TLK2: variants seen among roughly 807,000 people sequenced by gnomAD.
The protein encoded by TLK2 is tousled like kinase 2, also known as serine/threonine-protein kinase tousled-like 2.
In TLK2, 6 loss-of-function variants were observed where a neutral mutation model predicts 117.3. The ratio of observed to expected loss-of-function variants is 0.05; its 90% CI spans 0.03 to 0.10. The LOEUF (loss-of-function observed/expected upper bound fraction) is 0.10. Among genes scored for constraint, TLK2 ranks in the 10% least tolerant of loss-of-function variants. TLK2 has a pLI of 1.00. For synonymous variants in TLK2, 257 were observed against 316.7 expected (o/e 0.81, Z 2.00); for missense variants, 299 against 901.2 (o/e 0.33, Z 8.56).
Position 62,608,058 on chromosome 17 carries a change from G to A in TLK2, c.1989G>A (p.Gln663=), listed in dbSNP as rs781528196. The stretch of plus-strand genomic sequence containing the variant: ...TGTGACAGCCTTTTGGCCATAACCA[G>A]TCTCAGCAAGACATCCTACAAGAGA... ...LYGRKPFGHN[Q]SQQDILQENT... Residue 663 remains glutamine (Q), a synonymous_variant, in exon 21 of 22, where the codon CAG becomes CAA. Coordinates refer to ENST00000346027, the MANE Select transcript of TLK2 (RefSeq NM_006852.6). 2 of 1,612,868 alleles carry A rather than the reference G, an allele frequency of 1.2e-6. No homozygotes were observed. Among genetic ancestry groups the A allele is most frequent in the Non-Finnish European group, 1.7e-6 (2 of 1,179,704 alleles).
At chr17:62,523,408 GTC>G (rs750726107) in intron 5 of TLK2, among the ~76,000 whole-genome samples, 1 of 152,076 alleles carries the variant, frequency 6.6e-6, no homozygotes, top group Non-Finnish European at 1.5e-5. Context: ...GGGAAACCCT[GTC>G]TCTACAAAAA....
chr17:62,544,711 T>G (rs2077777643), intron 7 of TLK2, among the ~76,000 whole-genome samples: 1 of 152,230 alleles, frequency 6.6e-6, no homozygotes, highest in Non-Finnish European at 1.5e-5. Context: ...TCCCTGTGAT[T>G]TTTAAGATCA....
Position 62,486,021 on chromosome 17 carries a change from C to T in TLK2, c.81+4815C>T, listed in dbSNP as rs532491161. Among the ~76,000 whole-genome samples, 4 of 151,908 alleles carry T rather than the reference C, an allele frequency of 2.6e-5. No homozygotes were observed. The South Asian group carries it at 6.2e-4, about 24-fold the overall frequency. On this transcript the variant is annotated intron_variant, in intron 2 of 21. Coordinates refer to ENST00000346027, the MANE Select transcript of TLK2 (RefSeq NM_006852.6). Reference sequence around the variant, plus strand: ...ATTTTTAGTAGAGACGGGGTTTCACCGTGTTAGCCAGGATGGTCTCGATCT... The same window carrying T: ...ATTTTTAGTAGAGACGGGGTTTCACTGTGTTAGCCAGGATGGTCTCGATCT...
chr17:62,474,574 TA>T (rs777957156), upstream of TLK2, among the ~76,000 whole-genome samples: 2 of 151,364 alleles, frequency 1.3e-5, no homozygotes, highest in South Asian at 2.1e-4. Context: ...CACACCCGGC[TA>T]ATTTTTTTTT....
chr17:62,553,890 T>C, intron 9 of TLK2, 135 bp downstream of exon 9: 4 of 611,038 alleles, frequency 6.5e-6, no homozygotes, highest in South Asian at 2.1e-5. Flanking sequence ...TTTTCTTTAA[T>C]TGAGGGAATC....
intron 21 of TLK2, chr17:62,612,074 ATT>A: frequency 6.2e-5 from 11 of 178,460 alleles, no homozygotes; most frequent in East Asian, 1.4e-4. Flanking sequence ...ACAAAGAGAG[ATT>A]TTTTTTTTTT....
At chr17:62,580,310 A>G (rs912261822) in intron 15 of TLK2, 118 bp downstream of exon 15, 4 of 680,036 alleles carry the variant, frequency 5.9e-6, no homozygotes, top group Non-Finnish European at 9.1e-6. Flanking sequence ...AAATTCAAAA[A>G]CTTTAAAAAC....
chr17:62,607,227 G>C (rs568663424), intron 20 of TLK2, among the ~76,000 whole-genome samples: 1 of 151,908 alleles, frequency 6.6e-6, no homozygotes, highest in African/African-American at 2.4e-5. Context: ...ATTAGAAAAT[G>C]GCAGCTCGGT....
At position 62,578,594 on chromosome 17, in the gene TLK2, A is replaced by T; in HGVS notation, c.1286+20A>T. 1 of 1,583,150 alleles carries T rather than the reference A, an allele frequency of 6.3e-7. No individual in the cohort carries two copies. Among genetic ancestry groups the T allele is most frequent in the Non-Finnish European group, 8.7e-7 (1 of 1,152,262 alleles). On this transcript the variant is annotated intron_variant, in intron 14 of 21. Transcript: ENST00000346027. ...TTCACAGTAAGCTACTTCAGGGCAT[A>T]TTGGGTTGGAGATTGCTAAGCATTT...
chr17:62,537,642 G>A (rs1484896870), intron 7 of TLK2, among the ~76,000 whole-genome samples: 2 of 152,130 alleles, frequency 1.3e-5, no homozygotes, highest in Non-Finnish European at 2.9e-5. Context: ...AGCTGCCTGG[G>A]ATAGGCTCTG....
intron 12 of TLK2, 103 bp from the exon 13 acceptor site, chr17:62,576,606 G>A (rs1233754375): frequency 1.1e-6 from 1 of 887,242 alleles, no homozygotes; most frequent in African/African-American, 1.7e-5. Context: ...TTTTAACTGA[G>A]ACTGAAACTG....
intron 11 of TLK2, among the ~76,000 whole-genome samples, chr17:62,565,587 G>C (rs1796587671): frequency 6.9e-6 from 1 of 145,174 alleles, no homozygotes; most frequent in Admixed American, 7.2e-5. Flanking sequence ...GGGAGGTGGA[G>C]GTTGCAGTGA....
At chr17:62,485,065 G>A (rs1415536001) in intron 2 of TLK2, among the ~76,000 whole-genome samples, 10 of 152,100 alleles carry the variant, frequency 6.6e-5, no homozygotes, top group Non-Finnish European at 1.5e-4. Flanking sequence ...GAATATCACT[G>A]TGTTGATGAC....
intron 1 of TLK2, among the ~76,000 whole-genome samples, chr17:62,473,564 A>G (rs568442803): frequency 6.6e-6 from 1 of 152,310 alleles, no homozygotes; most frequent in South Asian, 2.1e-4. Context: ...AGACATACAA[A>G]TATCAGCCCC....
chr17:62,528,936 T>C (rs760441396), intron 6 of TLK2, among the ~76,000 whole-genome samples: 2 of 152,198 alleles, frequency 1.3e-5, no homozygotes, highest in Non-Finnish European at 2.9e-5. Flanking sequence ...CAACTCCCAC[T>C]ACCCTAGAAG....
intron 17 of TLK2, among the ~76,000 whole-genome samples, chr17:62,599,125 T>G (rs975992056): frequency 6.6e-6 from 1 of 152,170 alleles, no homozygotes; most frequent in African/African-American, 2.4e-5. Flanking sequence ...TTTTGTATTT[T>G]TAGTAGAGAC....
At chr17:62,553,840 C>G (rs1426866048) in intron 9 of TLK2, 85 bp downstream of exon 9, 1 of 843,810 alleles carries the variant, frequency 1.2e-6, no homozygotes, top group Non-Finnish European at 1.9e-6. Context: ...GAAGTAATTA[C>G]TATAGCCAAA....
intron 16 of TLK2, among the ~76,000 whole-genome samples, chr17:62,593,181 G>A (rs1399179305): frequency 1.3e-5 from 2 of 152,124 alleles, no homozygotes; most frequent in African/African-American, 4.8e-5. Context: ...TCTAAGCATA[G>A]AAAAGGTGCA....
chr17:62,538,435 TC>T (rs1307126360), intron 7 of TLK2, among the ~76,000 whole-genome samples: 1 of 152,230 alleles, frequency 6.6e-6, no homozygotes, highest in Non-Finnish European at 1.5e-5. Context: ...TAAAATGACC[TC>T]TTTTTCACTT....
Sources: gnomAD v4.1 joint callset for allele counts (sites outside exome capture counted in the v4.1 genomes callset) on GRCh38, gnomAD v4.1.1 for gene constraint, MANE v1.5 for transcripts, NCBI Gene and HGNC (gene_info 2026-07-23, HGNC 2026-07-21) for gene names.